The following RANBP2 variants were observed in gnomAD, a reference collection of about 807,000 sequenced individuals.
RANBP2 encodes the protein E3 SUMO-protein ligase RanBP2.
In RANBP2, 57 loss-of-function variants were observed where a neutral mutation model predicts 303.6. The ratio of observed to expected loss-of-function variants is 0.19; its 90% CI spans 0.15 to 0.23. The LOEUF is 0.23. Ranked by LOEUF, RANBP2 falls within the 10% of genes least tolerant of loss-of-function variation. The probability of loss-of-function intolerance (pLI) is 1.00; values close to 1 mark genes in which losing one functional copy is unlikely to be tolerated. For missense variants in RANBP2, 3,138 were observed against 3,780.8 expected (o/e 0.83, Z 4.46); for synonymous variants, 1,167 against 1,301.5 (o/e 0.90, Z 2.23).
chr2:109,687,515 C>A, the RANBP2 span, among the ~76,000 whole-genome samples: 1 of 152,136 alleles, frequency 6.6e-6, no homozygotes, highest in Non-Finnish European at 1.5e-5. Flanking sequence ...AGGCCAATCT[C>A]GCACCACAAG....
the RANBP2 span, among the ~76,000 whole-genome samples, chr2:109,434,897 T>G: frequency 2.0e-5 from 3 of 152,200 alleles, no homozygotes; most frequent in Non-Finnish European, 4.4e-5. Flanking sequence ...AAATGTCTCC[T>G]CAAGAACTGT....
the RANBP2 span, among the ~76,000 whole-genome samples, chr2:108,851,592 C>T: frequency 2.4e-3 from 366 of 151,610 alleles, 1 homozygote; most frequent in Middle Eastern, 0.017. Context: ...CGTGAGCCAC[C>T]GCGCCCGGCC....
the RANBP2 span, among the ~76,000 whole-genome samples, chr2:109,444,494 A>G: frequency 2.6e-5 from 4 of 152,178 alleles, no homozygotes; most frequent in Non-Finnish European, 5.9e-5. Context: ...TAGGTGTGCC[A>G]GTTCTAAAAA....
the RANBP2 span, among the ~76,000 whole-genome samples, chr2:108,804,513 T>A: frequency 6.6e-6 from 1 of 152,212 alleles, no homozygotes; most frequent in African/African-American, 2.4e-5. Context: ...TATAAAGCCA[T>A]AAATAGCTTA....
At chr2:108,897,098 C>A in the RANBP2 span, 1 of 1,614,166 alleles carries the variant, frequency 6.2e-7, no homozygotes, top group Non-Finnish European at 8.5e-7. Flanking sequence ...CCAATCTCAT[C>A]CCTCTTCAGG....
chr2:108,984,358 C>T, the RANBP2 span, among the ~76,000 whole-genome samples: 2 of 152,198 alleles, frequency 1.3e-5, no homozygotes, highest in Admixed American at 1.3e-4. Context: ...GGGCGTGAGC[C>T]ACCATGGCTG....
At chr2:109,282,080 C>T in the RANBP2 span, among the ~76,000 whole-genome samples, 3 of 152,062 alleles carry the variant, frequency 2.0e-5, no homozygotes, top group Admixed American at 6.5e-5. Flanking sequence ...GGCTGCATGG[C>T]GAAGCCTGTC....
the RANBP2 span, among the ~76,000 whole-genome samples, chr2:108,800,368 G>A: frequency 4.8e-3 from 725 of 152,118 alleles, 4 homozygotes; most frequent in African/African-American, 0.016. Context: ...GGGTTCAAGC[G>A]ATTCTCCTGC....
At chr2:108,938,595 G>GT in the RANBP2 span, among the ~76,000 whole-genome samples, 1 of 151,962 alleles carries the variant, frequency 6.6e-6, no homozygotes, top group African/African-American at 2.4e-5. Context: ...TTTCATTTCT[G>GT]TTTCATTGAA....
At chr2:109,659,783 A>C in the RANBP2 span, among the ~76,000 whole-genome samples, 3 of 152,234 alleles carry the variant, frequency 2.0e-5, no homozygotes, top group Admixed American at 1.3e-4. Context: ...CCCCCAGCCT[A>C]CGATTCCTAG....
chr2:109,470,429 C>T, the RANBP2 span, among the ~76,000 whole-genome samples: 1 of 152,208 alleles, frequency 6.6e-6, no homozygotes, highest in South Asian at 2.1e-4. Flanking sequence ...AGAATTTGCT[C>T]TTCCTTATTG....
chr2:108,750,453 C>G (rs1675784935), intron 9 of RANBP2, among the ~76,000 whole-genome samples: 1 of 152,112 alleles, frequency 6.6e-6, no homozygotes, highest in Non-Finnish European at 1.5e-5. Flanking sequence ...ATAGAGATAC[C>G]TAAAAACAGA....
At chr2:109,060,348 T>G in the RANBP2 span, among the ~76,000 whole-genome samples, 2 of 152,122 alleles carry the variant, frequency 1.3e-5, no homozygotes, top group African/African-American at 4.8e-5. Context: ...CTGCTCCAGG[T>G]TGGGCTGGTT....
the RANBP2 span, among the ~76,000 whole-genome samples, chr2:109,275,829 G>A: frequency 9.1e-4 from 139 of 152,322 alleles, 1 homozygote; most frequent in Middle Eastern, 6.8e-3. Flanking sequence ...CGGGGAGCTG[G>A]TAATAGGATC....
At chr2:108,896,789 A>T in the RANBP2 span, 1 of 994,288 alleles carries the variant, frequency 1.0e-6, no homozygotes, top group Non-Finnish European at 1.5e-6. Context: ...ATCCTAAGGC[A>T]TACGGTGACA....
the RANBP2 span, among the ~76,000 whole-genome samples, chr2:108,815,508 C>G: frequency 2.3e-5 from 3 of 127,706 alleles, no homozygotes; most frequent in African/African-American, 5.8e-5. Flanking sequence ...GCTCTTTTGC[C>G]CAGATTGGTG....
At chr2:108,742,110 C>T (rs1041239777) in intron 7 of RANBP2, among the ~76,000 whole-genome samples, 27 of 151,872 alleles carry the variant, frequency 1.8e-4, no homozygotes, top group African/African-American at 6.5e-4. Flanking sequence ...GATTGTCCTG[C>T]TTCAGCCTCC....
the RANBP2 span, among the ~76,000 whole-genome samples, chr2:109,314,116 C>A: frequency 2.0e-5 from 3 of 152,050 alleles, no homozygotes; most frequent in Non-Finnish European, 4.4e-5. Flanking sequence ...TAGCGGAAAG[C>A]AGCAGGCCTG....
the RANBP2 span, among the ~76,000 whole-genome samples, chr2:108,968,885 G>A: frequency 2.0e-5 from 3 of 152,290 alleles, no homozygotes; most frequent in South Asian, 6.2e-4. Flanking sequence ...GTCACGGTAG[G>A]GTTACATGTT....
Sources: allele counts gnomAD v4.1 joint callset (sites outside exome capture counted in the v4.1 genomes callset), GRCh38; gene constraint gnomAD v4.1.1; transcripts MANE v1.5; gene names NCBI Gene and HGNC (gene_info 2026-07-23, HGNC 2026-07-21).